The following PTPDC1 variants were observed in gnomAD, a reference collection of about 807,000 sequenced individuals.
PTPDC1 encodes protein tyrosine phosphatase domain containing 1, also known as protein tyrosine phosphatase domain-containing protein 1.
Under a neutral mutation model 75.3 loss-of-function variants are expected in PTPDC1, and 53 were observed. The ratio of observed to expected loss-of-function variants is 0.70; its 90% CI spans 0.56 to 0.88. PTPDC1 has a LOEUF of 0.88. Ranked by LOEUF, PTPDC1 falls within the 40% of genes least tolerant of loss-of-function variation. The pLI, the probability that PTPDC1 is intolerant of heterozygous loss-of-function variation, is 0.00. For synonymous variants in PTPDC1, 349 were observed against 366.2 expected, an observed-to-expected ratio of 0.95 and a Z score of 0.54; for missense variants, 925 against 998.6, an observed-to-expected ratio of 0.93 and a Z score of 0.99.
intron 2 of PTPDC1, among the ~76,000 whole-genome samples, chr9:94,076,647 A>C (rs1380587063): frequency 6.6e-6 from 1 of 152,152 alleles, no homozygotes; most frequent in African/African-American, 2.4e-5. Flanking sequence ...GTAATAATAA[A>C]ACCTGAGTTT....
At chr9:94,083,270 G>A (rs570093751), upstream of PTPDC1, among the ~76,000 whole-genome samples, 114 of 152,146 alleles carry the variant, frequency 7.5e-4, 1 homozygote, top group African/African-American at 2.6e-3. Flanking sequence ...TAATTCCTCC[G>A]ACAGGAAAGC....
At chr9:94,099,824 G>A (rs1287907110) in intron 6 of PTPDC1, among the ~76,000 whole-genome samples, 2 of 152,244 alleles carry the variant, frequency 1.3e-5, no homozygotes, top group East Asian at 1.9e-4. Flanking sequence ...CTGTGGTGAT[G>A]AAGCGTTCAG....
At position 94,084,961 on chromosome 9, in the gene PTPDC1, A is replaced by T. The variant is rs549390859; in HGVS notation, c.244+187A>T. Among the ~76,000 whole-genome samples the T allele has an allele frequency of 3.3e-5, 5 of 152,292 alleles. No individual in the cohort carries two copies. In the East Asian group the frequency reaches 9.7e-4, roughly 29 times the overall value. On this transcript the variant is annotated intron_variant, in intron 1 of 8. Transcript: ENST00000620992. ...ATGATCAAATGTTTTGTGTTTTTTTATTAAAAATATAGGTTTGAACAAAAC... is the reference window on the plus strand; with the variant it reads ...ATGATCAAATGTTTTGTGTTTTTTTTTTAAAAATATAGGTTTGAACAAAAC...
chr9:94,101,033 A>G (rs1827819029), intron 6 of PTPDC1: 1 of 152,220 alleles, frequency 6.6e-6, no homozygotes, highest in African/African-American at 2.4e-5. Context: ...CATATGCCCC[A>G]TTTACCAGCT....
At chr9:94,049,027 C>G (rs1427870935) in intron 1 of PTPDC1, among the ~76,000 whole-genome samples, 1 of 141,418 alleles carries the variant, frequency 7.1e-6, no homozygotes, top group Non-Finnish European at 1.6e-5. Context: ...GGGATTGCAA[C>G]CCCTGCTTAT....
At chr9:94,081,711 G>A (rs558786959), upstream of PTPDC1, among the ~76,000 whole-genome samples, 14 of 152,272 alleles carry the variant, frequency 9.2e-5, no homozygotes, top group African/African-American at 2.6e-4. Context: ...CCTGTGACAC[G>A]TGGAGATGGC....
chr9:94,085,294 G>A lies in PTPDC1; in HGVS notation c.288G>A (p.Glu96=), dbSNP rs1449422420. ...CACCAAAGTACACAAAAGTAGGGGA[G>A]CGTTTACGGCATGTCATTCCTGGAC... ...RPTPKYTKVG[E]RLRHVIPGHM... The change falls in exon 2 of 9, where the codon GAG becomes GAA. Residue 96 remains glutamate (E), a synonymous_variant. Coordinates refer to ENST00000620992, the MANE Select transcript of PTPDC1 (RefSeq NM_001253829.2). 26 of 1,614,194 alleles carry A rather than the reference G, an allele frequency of 1.6e-5. No individual in the cohort carries two copies. Among genetic ancestry groups the A allele is most frequent in the Non-Finnish European group, 2.2e-5 (26 of 1,180,016 alleles).
At chr9:94,091,826 A>C (rs139059656) in intron 4 of PTPDC1, among the ~76,000 whole-genome samples, 99,002 of 151,836 alleles carry the variant, frequency 0.65, 34,439 homozygotes, top group African/African-American at 0.9. Context: ...GTTTATGTGC[A>C]GAGGAATTTA....
At chr9:94,058,470 G>A (rs1315954588) in intron 1 of PTPDC1, among the ~76,000 whole-genome samples, 2 of 151,876 alleles carry the variant, frequency 1.3e-5, no homozygotes, top group Non-Finnish European at 2.9e-5. Flanking sequence ...AGGCTGAGGC[G>A]GGCGGATCAC....
At chr9:94,047,613 A>G (rs1017834616) in intron 1 of PTPDC1, among the ~76,000 whole-genome samples, 2 of 152,236 alleles carry the variant, frequency 1.3e-5, no homozygotes, top group Non-Finnish European at 2.9e-5. Context: ...CCTTCAAAAA[A>G]TTAATGAATC....
chr9:94,104,131 G>A (rs1827935032), intron 7 of PTPDC1, 144 bp from the exon 8 acceptor site: 1 of 552,504 alleles, frequency 1.8e-6, no homozygotes, highest in South Asian at 2.5e-5. Context: ...ATTTGTTGAT[G>A]TTTAGATATT....
chr9:94,034,721 TC>T (rs1825207833), intron 1 of PTPDC1, among the ~76,000 whole-genome samples: 1 of 152,224 alleles, frequency 6.6e-6, no homozygotes, highest in Non-Finnish European at 1.5e-5. Context: ...ATGTCATTTT[TC>T]TTAGAAATCA....
At position 94,094,693 on chromosome 9, in the gene PTPDC1, G is replaced by A. The variant is rs551535768; in HGVS notation, c.617-624G>A. On this transcript the variant is annotated intron_variant, in intron 4 of 8. Transcript: ENST00000620992. The stretch of plus-strand genomic sequence containing the variant: ...CCCCCAGCCTTGCTGCCGCCTTGCA[G>A]TTTGATCTCAGACTGCTGTGCTAAC... 1.8e-3 allele frequency among the ~76,000 whole-genome samples: 272 copies of A among 152,344 alleles called. 4 individuals carry two copies. The highest frequency in any genetic ancestry group is 6.3e-3 in the African/African-American group (262 of 41,584).
chr9:94,053,178 G>A (rs1335432170), intron 1 of PTPDC1, among the ~76,000 whole-genome samples: 6 of 152,006 alleles, frequency 3.9e-5, no homozygotes, highest in Non-Finnish European at 7.4e-5. Flanking sequence ...GTATATTTGA[G>A]GTGTGAAATC....
chr9:94,095,367 A>G lies in PTPDC1; in HGVS notation c.667A>G (p.Thr223Ala). 2.5e-6 allele frequency: 4 copies of G among 1,612,462 alleles called. No homozygotes were observed. Among genetic ancestry groups the G allele is most frequent in the South Asian group, 1.1e-5 (1 of 91,002 alleles). Residue 223 changes from threonine (T) to alanine (A), a missense_variant, in exon 5 of 9, where the codon ACT becomes GCT. Coordinates refer to ENST00000620992, the MANE Select transcript of PTPDC1 (RefSeq NM_001253829.2). ...GGATTATGGTGTAGCGTCTCTTACT[A>G]CTATCCTAGATATGGTGAAGGTGAT... ...WKDYGVASLT[T>A]ILDMVKVMTF...
intron 8 of PTPDC1, among the ~76,000 whole-genome samples, chr9:94,106,567 AAT>A (rs1828030540): frequency 6.6e-6 from 1 of 152,170 alleles, no homozygotes; most frequent in Admixed American, 6.5e-5. Flanking sequence ...AGCTGTGAGA[AAT>A]AAAAGTTGTC....
intron 1 of PTPDC1, among the ~76,000 whole-genome samples, chr9:94,057,646 A>G (rs1480034869): frequency 4.6e-5 from 7 of 152,234 alleles, no homozygotes; most frequent in African/African-American, 1.7e-4. Context: ...ATTTTATAGA[A>G]GAAATTGAAG....
chr9:94,101,057 A>C (rs534880725), intron 6 of PTPDC1: 1 of 152,188 alleles, frequency 6.6e-6, no homozygotes, highest in Non-Finnish European at 1.5e-5. Flanking sequence ...AAGCACCTTT[A>C]TTTTATTTTT....
chr9:94,056,083 A>G (rs1027600288), intron 1 of PTPDC1, among the ~76,000 whole-genome samples: 13 of 152,182 alleles, frequency 8.5e-5, no homozygotes, highest in African/African-American at 3.1e-4. Flanking sequence ...CAATTTTGTT[A>G]TAAACCCAAA....
Sources: allele counts gnomAD v4.1 joint callset (sites outside exome capture counted in the v4.1 genomes callset), GRCh38; gene constraint gnomAD v4.1.1; transcripts MANE v1.5; gene names NCBI Gene and HGNC (gene_info 2026-07-23, HGNC 2026-07-21).